The following GPC6 variants were observed in gnomAD, a reference collection of about 807,000 sequenced individuals.
GPC6 encodes glypican-6.
GPC6 carries 14 observed loss-of-function variants against 55.2 expected under a neutral mutation model. The ratio of observed to expected loss-of-function variants is 0.25; its 90% confidence interval spans 0.17 to 0.40. GPC6 has a LOEUF of 0.40. GPC6 is among the 10% of genes least tolerant of loss of function. The probability of loss-of-function intolerance (pLI) is 1.00; values close to 1 mark genes in which losing one functional copy is unlikely to be tolerated. For synonymous variants in GPC6, 278 were observed against 259.6 expected, an observed-to-expected ratio of 1.07 and a Z score of -0.68; for missense variants, 641 against 708.5, an observed-to-expected ratio of 0.90 and a Z score of 1.08.
intron 2 of GPC6, among the ~76,000 whole-genome samples, chr13:93,711,051 T>C (rs1313599754): frequency 6.6e-6 from 1 of 151,818 alleles, no homozygotes. Context: ...TATGTTTAAA[T>C]TCATTACAGA....
intron 1 of GPC6, among the ~76,000 whole-genome samples, chr13:93,462,083 A>G (rs997316460): frequency 1.3e-5 from 2 of 152,190 alleles, no homozygotes; most frequent in African/African-American, 2.4e-5. Flanking sequence ...ACAGCTGTCA[A>G]TGTTAAATAA....
chr13:93,802,131 A>G (rs1886392637), intron 2 of GPC6, among the ~76,000 whole-genome samples: 1 of 152,124 alleles, frequency 6.6e-6, no homozygotes, highest in Admixed American at 6.5e-5. Context: ...TTTTCACTGT[A>G]AGTAGATAAT....
intron 3 of GPC6, among the ~76,000 whole-genome samples, chr13:93,994,478 A>G (rs967052476): frequency 1.3e-5 from 2 of 152,078 alleles, no homozygotes; most frequent in African/African-American, 4.8e-5. Flanking sequence ...TTCAATTCCC[A>G]TTTCTTTTCC....
intron 3 of GPC6, among the ~76,000 whole-genome samples, chr13:93,903,144 G>A (rs548674846): frequency 5.4e-4 from 82 of 152,298 alleles, no homozygotes; most frequent in African/African-American, 1.9e-3. Flanking sequence ...AATGCTACAT[G>A]ACATTGGTCT....
intron 3 of GPC6, among the ~76,000 whole-genome samples, chr13:93,841,813 TA>T (rs748134209): frequency 1.4e-4 from 22 of 152,222 alleles, no homozygotes; most frequent in Non-Finnish European, 2.6e-4. Flanking sequence ...ATGGAAATTT[TA>T]ACCTTTTCAG....
intron 4 of GPC6, among the ~76,000 whole-genome samples, chr13:94,169,260 GA>G (rs1888478169): frequency 6.6e-6 from 1 of 152,150 alleles, no homozygotes; most frequent in East Asian, 1.9e-4. Flanking sequence ...TTGTGGTGCA[GA>G]AAAATGAAAT....
At chr13:93,484,824 T>G (rs1033935367) in intron 1 of GPC6, among the ~76,000 whole-genome samples, 1 of 152,184 alleles carries the variant, frequency 6.6e-6, no homozygotes, top group African/African-American at 2.4e-5. Flanking sequence ...ATGACAGAAA[T>G]TTTAGGGAAA....
chr13:94,156,241 C>A (rs926283373), intron 4 of GPC6, among the ~76,000 whole-genome samples: 3 of 151,962 alleles, frequency 2.0e-5, no homozygotes, highest in Non-Finnish European at 4.4e-5. Flanking sequence ...TGCTGAAAAA[C>A]CAGAGAACAG....
At chr13:93,959,227 A>T (rs1879655408) in intron 3 of GPC6, among the ~76,000 whole-genome samples, 1 of 145,378 alleles carries the variant, frequency 6.9e-6, no homozygotes, top group Non-Finnish European at 1.5e-5. Context: ...CAGTGGTGTG[A>T]TCTCGGCTCA....
chr13:93,849,540 C>A (rs950791397), intron 3 of GPC6, among the ~76,000 whole-genome samples: 1 of 152,120 alleles, frequency 6.6e-6, no homozygotes, highest in Non-Finnish European at 1.5e-5. Flanking sequence ...TCAAGATCTG[C>A]TGAAGAGTGG....
At chr13:93,231,386 T>TACAC (rs1566533545) in intron 1 of GPC6, among the ~76,000 whole-genome samples, 5 of 22,528 alleles carry the variant, frequency 2.2e-4, no homozygotes, top group African/African-American at 1.0e-3. Flanking sequence ...TATACATATA[T>TACAC]ATATATATAT....
rs529014988 is a variant in GPC6, at chr13:94,400,132, T to C, written c.1465+1491T>C. 7.2e-5 allele frequency among the ~76,000 whole-genome samples: 11 copies of C among 152,302 alleles called. No individual in the cohort carries two copies. In the South Asian group the frequency reaches 1.0e-3, roughly 14 times the overall value. Reference sequence around the variant, plus strand: ...CCTCAAAAGAAAATAAAATCAACAATTAAGAGGATCCCTGAGTTCTAACCC... The same window carrying C: ...CCTCAAAAGAAAATAAAATCAACAACTAAGAGGATCCCTGAGTTCTAACCC... On this transcript the variant is annotated intron_variant, in intron 8 of 8. Transcript: ENST00000377047.
intron 1 of GPC6, among the ~76,000 whole-genome samples, chr13:93,444,774 T>G (rs1156858075): frequency 6.6e-6 from 1 of 152,224 alleles, no homozygotes; most frequent in Non-Finnish European, 1.5e-5. Context: ...ACAGCCAACA[T>G]AATTATTTCC....
chr13:93,310,714 A>ATGT (rs1879037296), intron 1 of GPC6, among the ~76,000 whole-genome samples: 1 of 152,278 alleles, frequency 6.6e-6, no homozygotes, highest in East Asian at 1.9e-4. Flanking sequence ...TGCGACTACC[A>ATGT]TGTCCATGGA....
chr13:93,966,755 A>G (rs1880064341), intron 3 of GPC6, among the ~76,000 whole-genome samples: 3 of 150,334 alleles, frequency 2.0e-5, no homozygotes, highest in Admixed American at 6.7e-5. Flanking sequence ...GACTCAAGCA[A>G]TCCTCCCTCC....
At chr13:93,594,843 G>A (rs959515430) in intron 2 of GPC6, among the ~76,000 whole-genome samples, 2 of 151,082 alleles carry the variant, frequency 1.3e-5, no homozygotes, top group African/African-American at 4.9e-5. Flanking sequence ...TAGATCCCTT[G>A]GGCCTGTTTT....
chr13:94,212,281 A>G lies in GPC6; in HGVS notation c.878-74068A>G, dbSNP rs569178622. Among the ~76,000 whole-genome samples, 61 of 152,242 alleles carry G rather than the reference A, an allele frequency of 4.0e-4. No homozygotes were observed. The Middle Eastern group carries it at 0.01, about 25-fold the overall frequency. On this transcript the variant is annotated intron_variant, in intron 4 of 8. Coordinates refer to ENST00000377047, the MANE Select transcript of GPC6 (RefSeq NM_005708.5). ...ATATATATGAGAAGCTTGGCCTGCT[A>G]TGGTAGTCTGTGACAGCTAAAGCAA...
At chr13:93,375,788 T>G (rs2139197108) in intron 1 of GPC6, among the ~76,000 whole-genome samples, 1 of 152,200 alleles carries the variant, frequency 6.6e-6, no homozygotes, top group East Asian at 1.9e-4. Context: ...TTTTAAGACT[T>G]CCCTGCAATG....
At chr13:93,612,084 G>A (rs950150559) in intron 2 of GPC6, among the ~76,000 whole-genome samples, 1 of 152,052 alleles carries the variant, frequency 6.6e-6, no homozygotes, top group African/African-American at 2.4e-5. Flanking sequence ...TTCCAACCAC[G>A]TTTATTGTAA....
Sources: gnomAD v4.1 joint callset for allele counts (sites outside exome capture counted in the v4.1 genomes callset) on GRCh38, gnomAD v4.1.1 for gene constraint, MANE v1.5 for transcripts, NCBI Gene and HGNC (gene_info 2026-07-23, HGNC 2026-07-21) for gene names.